ATP8A2: variants seen among roughly 807,000 people sequenced by gnomAD.
ATP8A2 encodes phospholipid-transporting ATPase IB.
Under a neutral mutation model 165.6 loss-of-function variants are expected in ATP8A2, and 100 were observed. That is an observed-to-expected ratio of 0.60 (90% confidence interval 0.51 to 0.71). The LOEUF (loss-of-function observed/expected upper bound fraction) is 0.71, where lower values mean the gene tolerates loss of function less well. Ranked by LOEUF, ATP8A2 falls within the 30% of genes least tolerant of loss-of-function variation. The pLI is 0.00. For synonymous variants in ATP8A2, 543 were observed against 548.8 expected, an observed-to-expected ratio of 0.99 and a Z score of 0.15; for missense variants, 1,227 against 1,479.5, an observed-to-expected ratio of 0.83 and a Z score of 2.80.
At chr13:25,533,191 C>A in intron 5 of ATP8A2, 82 bp from the exon 6 acceptor site, 1 of 769,172 alleles carries the variant, frequency 1.3e-6, no homozygotes, top group South Asian at 1.6e-5. Context: ...AAATGGAATT[C>A]TAAAAGAAAG....
intron 1 of ATP8A2, among the ~76,000 whole-genome samples, chr13:25,459,231 C>T (rs940098056): frequency 2.0e-5 from 3 of 152,236 alleles, no homozygotes; most frequent in African/African-American, 7.2e-5. Context: ...CTTACTTAAA[C>T]TTTTCACATT....
chr13:25,373,744 G>T (rs1368468329), intron 1 of ATP8A2, among the ~76,000 whole-genome samples: 1 of 152,220 alleles, frequency 6.6e-6, no homozygotes, highest in Non-Finnish European at 1.5e-5. Flanking sequence ...AGGGTGTGAA[G>T]AATTTGGTCT....
chr13:25,487,880 T>G lies in ATP8A2; in HGVS notation c.221+18759T>G, dbSNP rs540474780. 5.8e-4 allele frequency among the ~76,000 whole-genome samples: 88 copies of G among 151,572 alleles called. No individual in the cohort carries two copies. The Middle Eastern group carries it at 0.024, about 41-fold the overall frequency. On this transcript the variant is annotated intron_variant, in intron 2 of 36. Coordinates refer to ENST00000381655, the MANE Select transcript of ATP8A2 (RefSeq NM_016529.6). ...TTTTGTAATAGCCTGAGTGGGAGGG[T>G]AATTAGCTATAGTATAAGGAACAAA...
At chr13:25,770,366 T>C (rs1200087588) in intron 26 of ATP8A2, among the ~76,000 whole-genome samples, 1 of 152,002 alleles carries the variant, frequency 6.6e-6, no homozygotes, top group African/African-American at 2.4e-5. Context: ...ATAAACTGGC[T>C]CATCTAATCT....
rs1025249802 is a variant in ATP8A2 at position 25,540,150 on chromosome 13, T to C, written c.582-169T>C. Reference sequence around the variant, plus strand: ...CTCTACTGGTACTGAGTCCCAAAGATGAGTGTGTGTTTCCTTTTTCATCCA... The same window carrying C: ...CTCTACTGGTACTGAGTCCCAAAGACGAGTGTGTGTTTCCTTTTTCATCCA... On this transcript the variant is annotated intron_variant, in intron 7 of 36. Coordinates refer to ENST00000381655, the MANE Select transcript of ATP8A2 (RefSeq NM_016529.6). Among the ~76,000 whole-genome samples, 5 of 152,356 alleles carry C rather than the reference T, an allele frequency of 3.3e-5. No homozygotes were observed. In the East Asian group the frequency reaches 9.6e-4, roughly 29 times the overall value.
intron 25 of ATP8A2, among the ~76,000 whole-genome samples, chr13:25,720,134 C>T (rs1344031198): frequency 2.0e-5 from 3 of 150,472 alleles, no homozygotes; most frequent in Non-Finnish European, 4.4e-5. Flanking sequence ...TTTCTGTTAT[C>T]TGCACATGAC....
At chr13:25,399,416 T>TTTTTTTTAG (rs2033546342) in intron 1 of ATP8A2, among the ~76,000 whole-genome samples, 1 of 141,816 alleles carries the variant, frequency 7.1e-6, no homozygotes, top group African/African-American at 2.6e-5. Flanking sequence ...TTTTTTTTTT[T>TTTTTTTTAG]GAGACGGAGT....
In ATP8A2 at chr13:25,963,943, T is replaced by C. The variant is rs117646283; in HGVS notation, c.3272+2280T>C. ...TGACACTACTCCCAGCTTCACCACATGGAAAGAGTAAAAGTCACTTCCTTT... is the reference window on the plus strand; with the variant it reads ...TGACACTACTCCCAGCTTCACCACACGGAAAGAGTAAAAGTCACTTCCTTT... On this transcript the variant is annotated intron_variant, in intron 34 of 36. Transcript: ENST00000381655. Among the ~76,000 whole-genome samples the C allele has an allele frequency of 8.1e-4, 124 of 152,356 alleles. 3 individuals carry two copies. In the East Asian group the frequency reaches 0.022, roughly 27 times the overall value.
At chr13:25,752,306 C>CA (rs2044168801) in intron 25 of ATP8A2, among the ~76,000 whole-genome samples, 1 of 151,908 alleles carries the variant, frequency 6.6e-6, no homozygotes, top group Non-Finnish European at 1.5e-5. Context: ...ACTACAAATA[C>CA]AAAAATTAGC....
Position 25,516,169 on chromosome 13 carries a change from C to T in ATP8A2, c.222-13830C>T, listed in dbSNP as rs114504872. 9.8e-3 allele frequency among the ~76,000 whole-genome samples: 1,490 copies of T among 152,264 alleles called. 26 individuals carry two copies. The highest frequency in any genetic ancestry group is 0.034 in the African/African-American group (1,401 of 41,540). ...GCTCCCGATGTTCTCCCAGCTTGACCACTTCGGTTTAGCTTTCCATCCAGA... is the reference window on the plus strand; with the variant it reads ...GCTCCCGATGTTCTCCCAGCTTGACTACTTCGGTTTAGCTTTCCATCCAGA... On this transcript the variant is annotated intron_variant, in intron 2 of 36. Transcript: ENST00000381655.
intron 25 of ATP8A2, among the ~76,000 whole-genome samples, chr13:25,707,962 C>T (rs2043086791): frequency 6.6e-6 from 1 of 152,198 alleles, no homozygotes; most frequent in Non-Finnish European, 1.5e-5. Flanking sequence ...CGCTCTGCAG[C>T]TTTCAACACA....
chr13:25,809,430 T>A (rs1055614182), intron 27 of ATP8A2, among the ~76,000 whole-genome samples: 1 of 152,206 alleles, frequency 6.6e-6, no homozygotes, highest in East Asian at 1.9e-4. Context: ...AGCTGTTGAT[T>A]CTTTCATCTC....
chr13:25,808,051 T>G (rs1206642166), intron 27 of ATP8A2, among the ~76,000 whole-genome samples: 2 of 152,158 alleles, frequency 1.3e-5, no homozygotes, highest in African/African-American at 4.8e-5. Flanking sequence ...GTTGCCTATT[T>G]AAAGACAAGA....
At chr13:25,955,193 A>G (rs1408029051) in intron 33 of ATP8A2, among the ~76,000 whole-genome samples, 2 of 152,194 alleles carry the variant, frequency 1.3e-5, no homozygotes, top group Non-Finnish European at 2.9e-5. Context: ...AAACATCACA[A>G]TAAAAGATTA....
At chr13:25,546,828 A>C (rs2038666111) in intron 10 of ATP8A2, among the ~76,000 whole-genome samples, 1 of 152,114 alleles carries the variant, frequency 6.6e-6, no homozygotes, top group Non-Finnish European at 1.5e-5. Context: ...AACTAGTAGG[A>C]TTCAAAACAC....
chr13:25,904,709 C>T (rs1271386539), intron 33 of ATP8A2, among the ~76,000 whole-genome samples: 1 of 152,188 alleles, frequency 6.6e-6, no homozygotes, highest in Admixed American at 6.5e-5. Context: ...ACATCTCCCC[C>T]CGGTAATTAA....
intron 2 of ATP8A2, among the ~76,000 whole-genome samples, chr13:25,528,337 T>A (rs1215093211): frequency 6.6e-6 from 1 of 152,218 alleles, no homozygotes; most frequent in East Asian, 1.9e-4. Flanking sequence ...TAGGTAGAAG[T>A]TGCTAAAAAT....
At chr13:25,410,902 C>T (rs2033946333) in intron 1 of ATP8A2, among the ~76,000 whole-genome samples, 1 of 152,206 alleles carries the variant, frequency 6.6e-6, no homozygotes, top group Admixed American at 6.5e-5. Context: ...ACAACCACTC[C>T]TTTAACCATT....
At chr13:25,648,525 G>A (rs1389720870) in intron 24 of ATP8A2, among the ~76,000 whole-genome samples, 1 of 152,140 alleles carries the variant, frequency 6.6e-6, no homozygotes, top group Non-Finnish European at 1.5e-5. Context: ...TTAGCTGGGT[G>A]TGGTGGTGTG....
Sources: gnomAD v4.1 joint callset for allele counts (sites outside exome capture counted in the v4.1 genomes callset) on GRCh38, gnomAD v4.1.1 for gene constraint, MANE v1.5 for transcripts, NCBI Gene and HGNC (gene_info 2026-07-23, HGNC 2026-07-21) for gene names.